The following EDAR variants were observed in gnomAD, a reference collection of about 807,000 sequenced individuals.
EDAR encodes ectodysplasin A receptor.
EDAR carries 38 observed loss-of-function variants against 51.3 expected under a neutral mutation model. The observed-to-expected ratio is 0.74, with a 90% confidence interval of 0.57 to 0.97. The LOEUF is 0.97. Among genes scored for constraint, EDAR ranks in the 50% least tolerant of loss-of-function variants. The pLI is 0.00. For missense variants in EDAR, 528 were observed against 595.0 expected (o/e 0.89, Z 1.17); for synonymous variants, 227 against 242.1 (o/e 0.94, Z 0.58).
chr2:108,932,612 G>A (rs771160127), intron 1 of EDAR, among the ~76,000 whole-genome samples: 70 of 151,766 alleles, frequency 4.6e-4, no homozygotes, highest in Non-Finnish European at 9.6e-4. Context: ...CAGCAGCCAG[G>A]GAACGGTGGA....
intron 4 of EDAR, among the ~76,000 whole-genome samples, chr2:108,928,749 A>G (rs566144258): frequency 2.0e-5 from 3 of 152,278 alleles, no homozygotes. Context: ...CTTTTTGAAG[A>G]CTTCTGATGC....
intron 1 of EDAR, among the ~76,000 whole-genome samples, chr2:108,975,305 G>T (rs1166583716): frequency 6.6e-6 from 1 of 152,220 alleles, no homozygotes. Flanking sequence ...CTCCTGCCTG[G>T]GTTCCCACCC....
chr2:108,898,260 A>G (rs1363004908), intron 11 of EDAR, among the ~76,000 whole-genome samples: 1 of 152,122 alleles, frequency 6.6e-6, no homozygotes, highest in Non-Finnish European at 1.5e-5. Flanking sequence ...CCATGTAGGG[A>G]GCTGGGGCTT....
At chr2:108,924,241 T>G (rs1697208245) in intron 4 of EDAR, among the ~76,000 whole-genome samples, 2 of 152,254 alleles carry the variant, frequency 1.3e-5, no homozygotes, top group Non-Finnish European at 1.5e-5. Context: ...GCTATATGAC[T>G]GCTCAGGTCC....
At chr2:108,930,942 G>A (rs1330204543) in intron 2 of EDAR, 22 bp downstream of exon 2, 3 of 1,613,652 alleles carry the variant, frequency 1.9e-6, no homozygotes, top group Non-Finnish European at 1.7e-6. Flanking sequence ...TGCTGTGGGG[G>A]TAAGGGGCTC....
chr2:108,959,519 TG>T (rs1697995646), intron 1 of EDAR, among the ~76,000 whole-genome samples: 2 of 152,230 alleles, frequency 1.3e-5, no homozygotes, highest in African/African-American at 4.8e-5. Context: ...GCTTAAAACC[TG>T]TGCCAAGATG....
rs1336906425 is a variant in EDAR, at chr2:108,935,679, C to CCCTA, written c.-18-4648_-18-4647insTAGG. ...ACACACACGCAGACTCTGCACTAGACACCGATTCCCTTAATCTTGTTAGAG... is the reference window on the plus strand; with the variant it reads ...ACACACACGCAGACTCTGCACTAGACCCTAACCGATTCCCTTAATCTTGTTAGAG... On this transcript the variant is annotated intron_variant, in intron 1 of 11. Transcript: ENST00000258443. 2.0e-4 allele frequency among the ~76,000 whole-genome samples: 30 copies of CCCTA among 152,278 alleles called. No homozygotes were observed. In the South Asian group the frequency reaches 4.6e-3, roughly 23 times the overall value.
chr2:108,929,018 G>T (rs191949924), intron 4 of EDAR, among the ~76,000 whole-genome samples, 180 bp downstream of exon 4: 1 of 152,334 alleles, frequency 6.6e-6, no homozygotes, highest in Admixed American at 6.5e-5. Context: ...CCTGTCCACC[G>T]GAGGGGCCAG....
intron 1 of EDAR, among the ~76,000 whole-genome samples, chr2:108,958,640 A>G (rs1697972945): frequency 6.6e-6 from 1 of 152,232 alleles, no homozygotes; most frequent in Non-Finnish European, 1.5e-5. Context: ...TGGCAGAGCC[A>G]GGAGTCAGTC....
intron 1 of EDAR, among the ~76,000 whole-genome samples, chr2:108,941,552 C>T (rs1158930095): frequency 6.6e-6 from 1 of 152,170 alleles, no homozygotes; most frequent in Non-Finnish European, 1.5e-5. Context: ...ACACTCAGCT[C>T]TGAGGGTCCT....
chr2:108,961,675 C>T (rs971714288), intron 1 of EDAR, among the ~76,000 whole-genome samples: 1 of 152,216 alleles, frequency 6.6e-6, no homozygotes, highest in Non-Finnish European at 1.5e-5. Context: ...CACATTCATT[C>T]TGATGCAAGG....
chr2:108,912,633 G>A, intron 6 of EDAR, 45 bp downstream of exon 6: 1 of 1,504,162 alleles, frequency 6.6e-7, no homozygotes, highest in South Asian at 1.2e-5. Context: ...TTTCATCCGA[G>A]TACCACCTAA....
At chr2:108,967,620 G>C (rs997634719) in intron 1 of EDAR, among the ~76,000 whole-genome samples, 1 of 152,198 alleles carries the variant, frequency 6.6e-6, no homozygotes, top group African/African-American at 2.4e-5. Flanking sequence ...GTCCATGCCT[G>C]ACAGAGTGTG....
rs1399315190 is a variant in EDAR at position 108,895,656 on chromosome 2, A to G, written c.*1251T>C. 6.6e-6 allele frequency: 1 copy of G among 152,218 alleles called. No individual in the cohort carries two copies. Among genetic ancestry groups the G allele is most frequent in the Non-Finnish European group, 1.5e-5 (1 of 68,060 alleles). The allele number at this position is 152,218 out of a possible 1,614,324, so 9.4% of individuals were successfully genotyped here. A position where few individuals can be genotyped will look rare whatever the true frequency, so the allele number is the denominator to read the frequency against. ...GCTCCACTTTCTTTTTGCTCACCTG[A>G]ACCCTACCTGCCCCAATTATAGAAT... On this transcript the variant is annotated 3_prime_UTR_variant, in exon 12 of 12. Coordinates refer to ENST00000258443, the MANE Select transcript of EDAR (RefSeq NM_022336.4).
chr2:108,978,420 CGT>C (rs758692943), intron 1 of EDAR, among the ~76,000 whole-genome samples: 32 of 152,210 alleles, frequency 2.1e-4, no homozygotes, highest in Non-Finnish European at 4.6e-4. Flanking sequence ...GTCGACTCTG[CGT>C]GTCTTTGCTA....
chr2:108,943,977 T>G (rs1697662741), intron 1 of EDAR, among the ~76,000 whole-genome samples: 1 of 152,114 alleles, frequency 6.6e-6, no homozygotes, highest in African/African-American at 2.4e-5. Flanking sequence ...TAAACTGAGG[T>G]GAATGCATGT....
chr2:108,911,458 A>C (rs1406722917), intron 6 of EDAR, among the ~76,000 whole-genome samples: 1 of 152,192 alleles, frequency 6.6e-6, no homozygotes, highest in African/African-American at 2.4e-5. Context: ...TTCCAAACAA[A>C]AGTCAGGATG....
At chr2:108,937,707 ATGTGTGTGTATG>A (rs1268908181) in intron 1 of EDAR, among the ~76,000 whole-genome samples, 3 of 148,886 alleles carry the variant, frequency 2.0e-5, no homozygotes, top group Non-Finnish European at 4.4e-5. Context: ...GTGTGAGTGT[ATGTGTGTGTATG>A]TGTGTGTGTA....
At chr2:108,926,931 G>A (rs997522337) in intron 4 of EDAR, among the ~76,000 whole-genome samples, 1 of 152,222 alleles carries the variant, frequency 6.6e-6, no homozygotes, top group African/African-American at 2.4e-5. Flanking sequence ...GACACAGCGT[G>A]ACAGCCTCGT....
Sources: allele counts gnomAD v4.1 joint callset (sites outside exome capture counted in the v4.1 genomes callset), GRCh38; gene constraint gnomAD v4.1.1; transcripts MANE v1.5; gene names NCBI Gene and HGNC (gene_info 2026-07-23, HGNC 2026-07-21).